The following CDH13 variants were observed in gnomAD, a reference collection of about 807,000 sequenced individuals.
CDH13 encodes the protein cadherin 13.
A neutral mutation model predicts 63.8 loss-of-function variants in CDH13; 24 were observed. That is an observed-to-expected ratio of 0.38 (90% CI 0.27 to 0.53). The LOEUF is 0.53. CDH13 is among the 20% of genes least tolerant of loss of function. The pLI is 0.85. For missense variants in CDH13, 1,049 were observed against 903.1 expected, an observed-to-expected ratio of 1.16 and a Z score of -2.07; for synonymous variants, 503 against 355.3, an observed-to-expected ratio of 1.42 and a Z score of -4.67.
chr16:82,778,758 C>T (rs938200443), intron 1 of CDH13, among the ~76,000 whole-genome samples: 2 of 151,996 alleles, frequency 1.3e-5, no homozygotes, highest in African/African-American at 2.4e-5. Context: ...CTTTAAAGCA[C>T]GCAAGGCACT....
rs772286405 is a variant in CDH13, at chr16:83,421,413, A to C, written c.782-65064A>C. ...TCAGCAGCTCATCATAATATTATGA[A>C]TCTTAGCTCTCTACATCTTTCCAAT... On this transcript the variant is annotated intron_variant, in intron 6 of 13. Transcript: ENST00000567109. Among the ~76,000 whole-genome samples the C allele has an allele frequency of 2.0e-5, 3 of 152,206 alleles. No individual in the cohort carries two copies. In the East Asian group the frequency reaches 5.8e-4, roughly 29 times the overall value.
At chr16:82,791,068 T>G (rs1485363654) in intron 1 of CDH13, among the ~76,000 whole-genome samples, 1 of 152,136 alleles carries the variant, frequency 6.6e-6, no homozygotes, top group Non-Finnish European at 1.5e-5. Context: ...AAATTCCGTC[T>G]TTACTAAAAA....
intron 5 of CDH13, among the ~76,000 whole-genome samples, chr16:83,252,280 T>TC (rs200060479): frequency 2.0e-5 from 3 of 150,702 alleles, no homozygotes; most frequent in Non-Finnish European, 4.4e-5. Context: ...TCTTTTTTTT[T>TC]TTCATTTTTA....
chr16:83,711,204 C>T (rs1907994314), intron 10 of CDH13, among the ~76,000 whole-genome samples: 1 of 152,206 alleles, frequency 6.6e-6, no homozygotes. Context: ...ATTAGAAAGT[C>T]AATAGTCTGC....
intron 7 of CDH13, among the ~76,000 whole-genome samples, chr16:83,585,763 C>T (rs957845208): frequency 1.3e-5 from 2 of 151,994 alleles, no homozygotes; most frequent in African/African-American, 2.4e-5. Context: ...TCTCCCAGCC[C>T]AACCCATACA....
At chr16:83,728,598 A>C (rs1255154898) in intron 10 of CDH13, among the ~76,000 whole-genome samples, 1 of 152,190 alleles carries the variant, frequency 6.6e-6, no homozygotes, top group African/African-American at 2.4e-5. Context: ...TGGAGAGAAG[A>C]GAAAGCAAAG....
intron 1 of CDH13, among the ~76,000 whole-genome samples, chr16:82,677,167 C>G (rs941706800): frequency 2.0e-5 from 3 of 152,232 alleles, no homozygotes; most frequent in Admixed American, 2.0e-4. Context: ...TAGGAGTGAG[C>G]CACTGCGCCT....
intron 6 of CDH13, among the ~76,000 whole-genome samples, chr16:83,428,265 G>A (rs549447512): frequency 6.6e-6 from 1 of 152,256 alleles, no homozygotes; most frequent in Non-Finnish European, 1.5e-5. Context: ...AGGAAAAACA[G>A]CAGGCAGCAA....
chr16:83,743,793 G>A (rs1290056602), intron 10 of CDH13, among the ~76,000 whole-genome samples: 1 of 89,362 alleles, frequency 1.1e-5, no homozygotes, highest in Admixed American at 1.8e-4. Flanking sequence ...CCCCATGATT[G>A]TTCCAACAGA....
intron 5 of CDH13, among the ~76,000 whole-genome samples, chr16:83,286,174 C>G (rs2089307465): frequency 6.6e-6 from 1 of 152,242 alleles, no homozygotes; most frequent in Non-Finnish European, 1.5e-5. Flanking sequence ...CTTACCCAAA[C>G]ACCTCAAGGA....
intron 8 of CDH13, among the ~76,000 whole-genome samples, chr16:83,632,593 G>T (rs987800264): frequency 6.6e-6 from 1 of 151,046 alleles, no homozygotes; most frequent in Non-Finnish European, 1.5e-5. Context: ...GTGCCCCACG[G>T]AGTAGTGACA....
chr16:83,218,560 C>T (rs760877861), intron 5 of CDH13, among the ~76,000 whole-genome samples: 1 of 152,188 alleles, frequency 6.6e-6, no homozygotes, highest in African/African-American at 2.4e-5. Flanking sequence ...GACCTGGCAG[C>T]TATTGGGGTC....
chr16:82,930,777 A>T (rs2042465720), intron 2 of CDH13, among the ~76,000 whole-genome samples: 1 of 152,126 alleles, frequency 6.6e-6, no homozygotes, highest in African/African-American at 2.4e-5. Context: ...ACTCCAGTTC[A>T]CCCTAGGTGA....
intron 1 of CDH13, among the ~76,000 whole-genome samples, chr16:82,697,423 CTTT>C (rs34376129): frequency 0.015 from 832 of 54,846 alleles, 4 homozygotes; most frequent in African/African-American, 0.043. Context: ...TTTCTTTTTT[CTTT>C]TTTTTTTTTT....
At chr16:83,297,413 G>A (rs560592274) in intron 5 of CDH13, among the ~76,000 whole-genome samples, 1 of 152,082 alleles carries the variant, frequency 6.6e-6, no homozygotes, top group Non-Finnish European at 1.5e-5. Flanking sequence ...TTAAAAAATA[G>A]TACTAATGGG....
intron 2 of CDH13, among the ~76,000 whole-genome samples, chr16:82,969,563 C>T (rs1447132288): frequency 1.3e-5 from 2 of 149,438 alleles, no homozygotes; most frequent in Non-Finnish European, 3.0e-5. Context: ...AGTTTCTCAA[C>T]CTGGGCAATA....
intron 1 of CDH13, among the ~76,000 whole-genome samples, chr16:82,740,776 C>A (rs1443717547): frequency 6.6e-6 from 1 of 152,194 alleles, no homozygotes; most frequent in African/African-American, 2.4e-5. Flanking sequence ...CACTTCCACC[C>A]ACTGGGCAAA....
At chr16:83,546,538 A>G (rs1033677268) in intron 7 of CDH13, among the ~76,000 whole-genome samples, 7 of 151,694 alleles carry the variant, frequency 4.6e-5, no homozygotes, top group Non-Finnish European at 8.8e-5. Context: ...AGGAAATGCA[A>G]TTTAAGTGCC....
rs141470389 is a variant in CDH13, at chr16:83,075,308, A to T, written c.366+43090A>T. On this transcript the variant is annotated intron_variant, in intron 3 of 13. Coordinates refer to ENST00000567109, the MANE Select transcript of CDH13 (RefSeq NM_001257.5). ...TCAGGGGACCACAAAGAGAGTGACT[A>T]TGTGGCCCCGTGAAGATGAACTTGT... Among the ~76,000 whole-genome samples the T allele has an allele frequency of 4.0e-3, 611 of 152,280 alleles. 3 individuals are homozygous for T. Among genetic ancestry groups the T allele is most frequent in the Middle Eastern group, 0.01 (3 of 294 alleles).
Sources: allele counts gnomAD v4.1 joint callset (sites outside exome capture counted in the v4.1 genomes callset), GRCh38; gene constraint gnomAD v4.1.1; transcripts MANE v1.5; gene names NCBI Gene and HGNC (gene_info 2026-07-23, HGNC 2026-07-21).